The following GRM7 variants were observed in gnomAD, a reference collection of about 807,000 sequenced individuals.
The protein encoded by GRM7 is glutamate metabotropic receptor 7.
In GRM7, 35 loss-of-function variants were observed where a neutral mutation model predicts 84.5. That is an observed-to-expected ratio of 0.41 (90% CI 0.32 to 0.55). The LOEUF (loss-of-function observed/expected upper bound fraction) is 0.55. GRM7 is among the 20% of genes least tolerant of loss of function. The pLI is 0.19. For synonymous variants in GRM7, 487 were observed against 455.1 expected, an observed-to-expected ratio of 1.07 and a Z score of -0.89; for missense variants, 1,003 against 1,194.6, an observed-to-expected ratio of 0.84 and a Z score of 2.36.
At chr3:7,627,064 C>A (rs189611776) in intron 8 of GRM7, among the ~76,000 whole-genome samples, 1 of 152,072 alleles carries the variant, frequency 6.6e-6, no homozygotes, top group Admixed American at 6.5e-5. Flanking sequence ...GGCTGTTGAG[C>A]TTTGGGTCAC....
intron 7 of GRM7, among the ~76,000 whole-genome samples, chr3:7,549,020 G>A (rs899545125): frequency 6.6e-6 from 1 of 152,176 alleles, no homozygotes; most frequent in Non-Finnish European, 1.5e-5. Flanking sequence ...GTAGAGTAGA[G>A]AGAGAGAGTA....
At chr3:7,617,867 C>T (rs1285429533) in intron 8 of GRM7, among the ~76,000 whole-genome samples, 1 of 151,994 alleles carries the variant, frequency 6.6e-6, no homozygotes, top group East Asian at 1.9e-4. Context: ...AATTTCAACC[C>T]ATCAATCAAT....
At chr3:7,329,179 C>T (rs764620929) in intron 4 of GRM7, among the ~76,000 whole-genome samples, 2 of 152,056 alleles carry the variant, frequency 1.3e-5, no homozygotes, top group East Asian at 1.9e-4. Flanking sequence ...ACTAGAGGAA[C>T]ATTCCGATGA....
chr3:7,397,100 T>G (rs1695241979), intron 4 of GRM7, among the ~76,000 whole-genome samples: 1 of 152,166 alleles, frequency 6.6e-6, no homozygotes, highest in Non-Finnish European at 1.5e-5. Flanking sequence ...TTATAAAAAG[T>G]ATTCATTCTG....
chr3:7,547,201 T>G (rs1299543769), intron 7 of GRM7, among the ~76,000 whole-genome samples: 2 of 94,236 alleles, frequency 2.1e-5, no homozygotes, highest in Admixed American at 1.0e-4. Context: ...ATTCTTTTTT[T>G]TTTTTTTTTT....
chr3:6,872,467 A>AT (rs1436516505), intron 1 of GRM7, among the ~76,000 whole-genome samples: 8 of 151,592 alleles, frequency 5.3e-5, no homozygotes, highest in Non-Finnish European at 1.2e-4. Context: ...AGATCGTTGT[A>AT]TTTTTTTTAA....
At chr3:6,972,855 A>G (rs1158321581) in intron 1 of GRM7, among the ~76,000 whole-genome samples, 1 of 152,216 alleles carries the variant, frequency 6.6e-6, no homozygotes, top group East Asian at 1.9e-4. Context: ...AGCTGAGGCC[A>G]TTAGCAAACC....
At chr3:7,725,577 CA>C (rs1702094848) in intron 9 of GRM7, among the ~76,000 whole-genome samples, 1 of 152,114 alleles carries the variant, frequency 6.6e-6, no homozygotes, top group Admixed American at 6.6e-5. Flanking sequence ...CCTTCTGACC[CA>C]GGGCATGGTG....
At chr3:7,174,401 A>AAT (rs1487510690) in intron 2 of GRM7, among the ~76,000 whole-genome samples, 38 of 152,348 alleles carry the variant, frequency 2.5e-4, no homozygotes, top group African/African-American at 9.1e-4. Flanking sequence ...AGACACATTT[A>AAT]AAATAGAATT....
intron 1 of GRM7, among the ~76,000 whole-genome samples, chr3:6,954,063 TG>T (rs945713929): frequency 2.2e-4 from 32 of 146,424 alleles, no homozygotes; most frequent in African/African-American, 7.8e-4. Context: ...CAAAAAAAAT[TG>T]GTATATTATG....
chr3:7,491,632 A>C (rs1191360423), intron 7 of GRM7, among the ~76,000 whole-genome samples: 1 of 152,132 alleles, frequency 6.6e-6, no homozygotes, highest in Non-Finnish European at 1.5e-5. Context: ...TTTTAAACTT[A>C]CCAGATGATA....
chr3:7,427,420 C>T (rs1696655937), intron 5 of GRM7, among the ~76,000 whole-genome samples: 2 of 152,140 alleles, frequency 1.3e-5, no homozygotes, highest in Admixed American at 6.5e-5. Context: ...GGGTTAAAAC[C>T]CTAATAGTAA....
intron 1 of GRM7, among the ~76,000 whole-genome samples, chr3:6,910,149 A>G (rs534298770): frequency 6.6e-6 from 1 of 152,252 alleles, no homozygotes; most frequent in South Asian, 2.1e-4. Context: ...GAAAATTAAT[A>G]TTTAGTAGAT....
Position 7,421,916 on chromosome 3 carries a change from T to TAA in GRM7, c.1174+6777_1174+6778dup, listed in dbSNP as rs773501237. ...AGCAAGACCCTGTCTCTACAAACAG[T>TAA]AAAAAAAAAAAAAAAAAAAAAAAAA... On this transcript the variant is annotated intron_variant, in intron 5 of 9. Coordinates refer to ENST00000357716, the MANE Select transcript of GRM7 (RefSeq NM_000844.4). Among the ~76,000 whole-genome samples, 264 of 78,802 alleles carry TAA rather than the reference T, an allele frequency of 3.4e-3. 1 individual carries two copies. The highest frequency in any genetic ancestry group is 8.2e-3 in the Middle Eastern group (1 of 122). 51.7% of individuals were successfully genotyped at this position (78,802 alleles called of 152,430 possible). A position where few individuals can be genotyped will look rare whatever the true frequency, so the allele number is the denominator to read the frequency against.
chr3:7,133,775 G>A (rs1693680407), intron 1 of GRM7, among the ~76,000 whole-genome samples: 1 of 152,046 alleles, frequency 6.6e-6, no homozygotes, highest in Admixed American at 6.6e-5. Context: ...GTTACTGACC[G>A]GCAAGAGTTC....
At chr3:6,986,083 A>G (rs1369112019) in intron 1 of GRM7, among the ~76,000 whole-genome samples, 2 of 152,190 alleles carry the variant, frequency 1.3e-5, no homozygotes, top group Admixed American at 6.5e-5. Context: ...TTTCGGTAAT[A>G]CAGGACAAAT....
chr3:7,547,798 TAAAAG>T (rs1041322040), intron 7 of GRM7, among the ~76,000 whole-genome samples: 11 of 152,164 alleles, frequency 7.2e-5, no homozygotes, highest in African/African-American at 2.7e-4. Context: ...AAGAAACAGA[TAAAAG>T]AATAAATTCT....
chr3:7,118,519 A>G (rs1693116262), intron 1 of GRM7, among the ~76,000 whole-genome samples: 1 of 150,832 alleles, frequency 6.6e-6, no homozygotes. Context: ...AAAAAAAGTT[A>G]CAGAAAACAA....
chr3:7,410,636 TAC>T (rs1207035279), intron 4 of GRM7, among the ~76,000 whole-genome samples: 1 of 134,384 alleles, frequency 7.4e-6, no homozygotes, highest in East Asian at 2.1e-4. Context: ...AATACACACA[TAC>T]ACACAAAACC....
Sources: allele counts gnomAD v4.1 joint callset (sites outside exome capture counted in the v4.1 genomes callset), GRCh38; gene constraint gnomAD v4.1.1; transcripts MANE v1.5; gene names NCBI Gene and HGNC (gene_info 2026-07-23, HGNC 2026-07-21).